The following SORCS1 variants were observed in gnomAD, a reference collection of about 807,000 sequenced individuals.
The protein encoded by SORCS1 is VPS10 domain-containing receptor SorCS1.
SORCS1 carries 60 observed loss-of-function variants against 146.1 expected under a neutral mutation model. The ratio of observed to expected loss-of-function variants is 0.41; its 90% confidence interval spans 0.33 to 0.51. The LOEUF (loss-of-function observed/expected upper bound fraction) is 0.51, where lower values mean the gene tolerates loss of function less well. Among genes scored for constraint, SORCS1 ranks in the 20% least tolerant of loss-of-function variants. SORCS1 has a pLI of 0.21. For missense variants in SORCS1, 1,352 were observed against 1,487.6 expected (o/e 0.91, Z 1.50); for synonymous variants, 637 against 584.0 (o/e 1.09, Z -1.31).
intron 2 of SORCS1, among the ~76,000 whole-genome samples, chr10:106,909,808 C>T (rs905881504): frequency 6.6e-6 from 1 of 152,296 alleles, no homozygotes; most frequent in South Asian, 2.1e-4. Context: ...TATCTATGCA[C>T]GTATACACAC....
chr10:106,679,995 A>G (rs760037140), intron 10 of SORCS1, among the ~76,000 whole-genome samples: 3 of 152,242 alleles, frequency 2.0e-5, no homozygotes, highest in Admixed American at 6.5e-5. Flanking sequence ...TTGTCATTAC[A>G]GAGCTTACAA....
intron 2 of SORCS1, among the ~76,000 whole-genome samples, chr10:106,832,123 T>C (rs1948573595): frequency 6.6e-6 from 1 of 151,628 alleles, no homozygotes. Flanking sequence ...GGGAATTCCC[T>C]GGTATTCTCT....
chr10:106,723,828 T>C (rs1855952331), intron 6 of SORCS1, among the ~76,000 whole-genome samples: 1 of 152,126 alleles, frequency 6.6e-6, no homozygotes, highest in South Asian at 2.1e-4. Flanking sequence ...ATGGACCCCA[T>C]CAGCAATCTG....
At chr10:107,178,870 G>A in the SORCS1 span, among the ~76,000 whole-genome samples, 2 of 152,028 alleles carry the variant, frequency 1.3e-5, no homozygotes, top group Admixed American at 6.6e-5. Context: ...CTCATTGACG[G>A]ACACTTAATT....
chr10:106,901,386 A>G (rs536974859), intron 2 of SORCS1, among the ~76,000 whole-genome samples: 1 of 152,320 alleles, frequency 6.6e-6, no homozygotes, highest in Non-Finnish European at 1.5e-5. Flanking sequence ...GGAGAGGAAA[A>G]CACATCAAGG....
At chr10:107,058,458 G>T (rs997603378) in intron 1 of SORCS1, among the ~76,000 whole-genome samples, 2 of 152,136 alleles carry the variant, frequency 1.3e-5, no homozygotes, top group Non-Finnish European at 2.9e-5. Flanking sequence ...AAAAAACCTA[G>T]AACGTGTTAG....
intron 1 of SORCS1, among the ~76,000 whole-genome samples, chr10:107,089,730 G>T (rs1964040598): frequency 6.6e-6 from 1 of 152,174 alleles, no homozygotes; most frequent in South Asian, 2.1e-4. Flanking sequence ...GGTTATTCCA[G>T]GTGTAAAATG....
At chr10:106,617,243 G>A (rs535308651) in intron 21 of SORCS1, among the ~76,000 whole-genome samples, 14 of 151,920 alleles carry the variant, frequency 9.2e-5, no homozygotes, top group African/African-American at 2.7e-4. Flanking sequence ...GTGAGCCGCC[G>A]CACCCAGCCT....
chr10:107,174,135 T>G, the SORCS1 span, among the ~76,000 whole-genome samples: 2 of 152,192 alleles, frequency 1.3e-5, no homozygotes, highest in African/African-American at 4.8e-5. Context: ...TTTTCTGCAT[T>G]TATTTTGATC....
intron 1 of SORCS1, among the ~76,000 whole-genome samples, chr10:106,996,680 T>C (rs1032196608): frequency 1.3e-5 from 2 of 152,190 alleles, no homozygotes; most frequent in African/African-American, 4.8e-5. Context: ...AAATGAGGCA[T>C]CCCAATGATA....
intron 10 of SORCS1, 118 bp downstream of exon 10, chr10:106,688,074 C>G (rs950767640): frequency 5.7e-6 from 8 of 1,409,000 alleles, no homozygotes; most frequent in Non-Finnish European, 7.6e-6. Flanking sequence ...CACGCCCTTC[C>G]CCACTCCCTT....
intron 1 of SORCS1, among the ~76,000 whole-genome samples, chr10:107,077,793 C>T (rs181428911): frequency 2.6e-5 from 4 of 152,062 alleles, no homozygotes; most frequent in Non-Finnish European, 5.9e-5. Context: ...AGAAAATCTA[C>T]TCTAAATATA....
intron 1 of SORCS1, among the ~76,000 whole-genome samples, chr10:107,122,030 C>T (rs1328327600): frequency 1.3e-5 from 2 of 152,172 alleles, no homozygotes; most frequent in Non-Finnish European, 1.5e-5. Context: ...AAGCACCAGC[C>T]ACCTGATGCT....
intron 2 of SORCS1, among the ~76,000 whole-genome samples, chr10:106,925,184 C>T (rs182795630): frequency 6.6e-6 from 1 of 152,038 alleles, no homozygotes; most frequent in Admixed American, 6.6e-5. Context: ...TGATTGTCTT[C>T]TCTATTGTTT....
Position 106,607,148 on chromosome 10 carries a change from C to T in SORCS1, c.3165+18G>A. On this transcript the variant is annotated intron_variant, in intron 23 of 25. Transcript: ENST00000263054. ...AAACGGTTGAAGCTGAAAACGTCTC[C>T]TTTTCCAGGGGACTCACCTGCTCCA... 1 of 1,612,302 alleles carries T rather than the reference C, an allele frequency of 6.2e-7. No homozygotes were observed. Among genetic ancestry groups the T allele is most frequent in the Non-Finnish European group, 8.5e-7 (1 of 1,179,382 alleles).
rs58402182 is a variant in SORCS1, at chr10:107,124,086, C to CA, written c.558+39882dup. 9.6e-3 allele frequency among the ~76,000 whole-genome samples: 693 copies of CA among 72,012 alleles called. 1 individual carries two copies. Among genetic ancestry groups the CA allele is most frequent in the Middle Eastern group, 0.031 (3 of 96 alleles). The allele number at this position is 72,012 out of a possible 152,430, so 47.2% of individuals were successfully genotyped here. A position where few individuals can be genotyped will look rare whatever the true frequency, so the allele number is the denominator to read the frequency against. On this transcript the variant is annotated intron_variant, in intron 1 of 25. Transcript: ENST00000263054. The stretch of plus-strand genomic sequence containing the variant: ...TGGGCGACAGAGCGAGACTTCGTCT[C>CA]AAAAAAAAAAAAAAAGAAAAGAAAA...
At chr10:107,152,772 A>G (rs897289871) in intron 1 of SORCS1, among the ~76,000 whole-genome samples, 2 of 152,172 alleles carry the variant, frequency 1.3e-5, no homozygotes, top group African/African-American at 4.8e-5. Context: ...TCACCCAGTC[A>G]TGGGTATGTC....
intron 4 of SORCS1, among the ~76,000 whole-genome samples, chr10:106,776,103 A>C (rs1860413424): frequency 6.6e-6 from 1 of 152,180 alleles, no homozygotes; most frequent in African/African-American, 2.4e-5. Context: ...CATTTCTCTC[A>C]GTGTTTTAGA....
chr10:106,795,813 C>G (rs936997816), intron 3 of SORCS1, among the ~76,000 whole-genome samples: 3 of 152,124 alleles, frequency 2.0e-5, no homozygotes, highest in Non-Finnish European at 2.9e-5. Flanking sequence ...CAGGGGGAGG[C>G]AGTGTGCCGT....
Sources: allele counts gnomAD v4.1 joint callset (sites outside exome capture counted in the v4.1 genomes callset), GRCh38; gene constraint gnomAD v4.1.1; transcripts MANE v1.5; gene names NCBI Gene and HGNC (gene_info 2026-07-23, HGNC 2026-07-21).